The following CD96 variants were observed in gnomAD, a reference collection of about 807,000 sequenced individuals.
CD96 encodes CD96 molecule.
Under a neutral mutation model 71.3 loss-of-function variants are expected in CD96, and 70 were observed. The ratio of observed to expected loss-of-function variants is 0.98; its 90% CI spans 0.81 to 1.20. The LOEUF is 1.20. Ranked by LOEUF, CD96 falls within the 50% of genes most tolerant of loss-of-function variation. The pLI is 0.00. For missense variants in CD96, 742 were observed against 677.5 expected (o/e 1.10, Z -1.06); for synonymous variants, 248 against 233.0 (o/e 1.06, Z -0.59).
chr3:111,647,088 TAAAA>T (rs11337310), intron 12 of CD96, among the ~76,000 whole-genome samples: 24 of 98,940 alleles, frequency 2.4e-4, no homozygotes, highest in African/African-American at 7.7e-4. Context: ...GGGTAAAGAT[TAAAA>T]AAAAAAAAAA....
intron 7 of CD96, among the ~76,000 whole-genome samples, chr3:111,603,929 G>C (rs2107658007): frequency 6.6e-6 from 1 of 152,284 alleles, no homozygotes; most frequent in South Asian, 2.1e-4. Flanking sequence ...TCCTTTCTGA[G>C]AGTATCAGTT....
chr3:111,583,675 G>A (rs762541637), intron 4 of CD96, among the ~76,000 whole-genome samples: 1 of 152,230 alleles, frequency 6.6e-6, no homozygotes, highest in Non-Finnish European at 1.5e-5. Context: ...GCCAAGGCTT[G>A]GGGATTCCAC....
At position 111,545,073 on chromosome 3, in the gene CD96, A is replaced by T. The variant is rs1934317567; in HGVS notation, c.89A>T (p.Glu30Val). 6.2e-7 allele frequency: 1 copy of T among 1,614,048 alleles called. No individual in the cohort carries two copies. Among genetic ancestry groups the T allele is most frequent in the Admixed American group, 1.7e-5 (1 of 60,002 alleles). Residue 30 changes from glutamate (E) to valine (V), a missense_variant, in exon 2 of 14, where the codon GAA becomes GTA. Glu to Val is a moderately radical substitution (Grantham distance 121, BLOSUM62 -2). Transcript: ENST00000352690. ...KGVWEKTVNTEENVYATLGSD... is the reference protein window; with the variant it reads ...KGVWEKTVNTVENVYATLGSD... ...GTTTGGGAAAAAACAGTCAACACAG[A>T]AGAAAATGTTTATGCTACACTTGGC...
chr3:111,571,077 A>G, intron 3 of CD96: 1 of 882,570 alleles, frequency 1.1e-6, no homozygotes, highest in Non-Finnish European at 1.9e-6. Flanking sequence ...GAGGTAGGTC[A>G]AGTGGAGACT....
At chr3:111,544,131 CT>C (rs1455808955) in intron 1 of CD96, among the ~76,000 whole-genome samples, 8 of 152,076 alleles carry the variant, frequency 5.3e-5, no homozygotes, top group African/African-American at 1.9e-4. Context: ...GGAGGTGTGA[CT>C]TTTTTTGTTT....
intron 12 of CD96, among the ~76,000 whole-genome samples, chr3:111,644,867 G>A (rs949760666): frequency 2.6e-5 from 4 of 152,078 alleles, no homozygotes; most frequent in Admixed American, 2.6e-4. Context: ...AATGGTAGAT[G>A]TTGGCATGGA....
chr3:111,569,317 A>G (rs376230446), intron 3 of CD96, among the ~76,000 whole-genome samples: 1 of 152,224 alleles, frequency 6.6e-6, no homozygotes, highest in East Asian at 1.9e-4. Context: ...TGGTTGTAAA[A>G]CCTACAGTAT....
At chr3:111,601,229 A>G (rs1289454113) in intron 7 of CD96, among the ~76,000 whole-genome samples, 1 of 152,192 alleles carries the variant, frequency 6.6e-6, no homozygotes, top group African/African-American at 2.4e-5. Context: ...CACATATTGA[A>G]AATTAATACT....
intron 2 of CD96, among the ~76,000 whole-genome samples, chr3:111,563,395 G>T (rs997464980): frequency 1.3e-5 from 2 of 152,228 alleles, no homozygotes; most frequent in African/African-American, 2.4e-5. Flanking sequence ...AAAGCTGCTG[G>T]TTTTTGCAAC....
At chr3:111,560,239 G>T (rs897871444) in intron 2 of CD96, among the ~76,000 whole-genome samples, 1 of 151,864 alleles carries the variant, frequency 6.6e-6, no homozygotes, top group Non-Finnish European at 1.5e-5. Flanking sequence ...GTGTGAATTT[G>T]ATCCTGTCAT....
chr3:111,570,518 T>C, intron 3 of CD96: 1 of 948,608 alleles, frequency 1.1e-6, no homozygotes, highest in Non-Finnish European at 1.6e-6. Flanking sequence ...AAATCACAAA[T>C]GGGACGCATG....
At chr3:111,589,308 T>C (rs182029534) in intron 5 of CD96, among the ~76,000 whole-genome samples, 128 of 152,330 alleles carry the variant, frequency 8.4e-4, no homozygotes, top group Non-Finnish European at 1.6e-3. Flanking sequence ...TTACAGGTAA[T>C]ATGGGCTCAA....
At position 111,574,778 on chromosome 3, in the gene CD96, G is replaced by A. The variant is rs545471144; in HGVS notation, c.544-4249G>A. Among the ~76,000 whole-genome samples, 1,028 of 146,830 alleles carry A rather than the reference G, an allele frequency of 7.0e-3. 6 individuals are homozygous for A. Among genetic ancestry groups the A allele is most frequent in the Middle Eastern group, 0.021 (6 of 290 alleles). ...ATTTAAAAATTATATTTAAAAATAT[G>A]AATTTTTAGATTTTTTTTTTTTGAG... On this transcript the variant is annotated intron_variant, in intron 3 of 13. Transcript: ENST00000352690.
At chr3:111,625,997 A>C (rs1938730745) in intron 10 of CD96, among the ~76,000 whole-genome samples, 1 of 152,224 alleles carries the variant, frequency 6.6e-6, no homozygotes, top group Admixed American at 6.5e-5. Context: ...CGTGGCTAGA[A>C]ACATCTAAAG....
intron 14 of CD96, among the ~76,000 whole-genome samples, chr3:111,660,326 A>C (rs529122000): frequency 1.2e-4 from 18 of 152,346 alleles, no homozygotes; most frequent in African/African-American, 4.3e-4. Flanking sequence ...AACAATCTCT[A>C]CAAGAAAAAC....
chr3:111,569,600 T>A (rs2175749), intron 3 of CD96, among the ~76,000 whole-genome samples: 152,322 of 152,362 alleles, frequency 1, 76,141 homozygotes, highest in Non-Finnish European at 1. Context: ...CCCAGTTATC[T>A]CAAATTCATT....
chr3:111,664,767 G>A (rs1306468461), intron 14 of CD96, among the ~76,000 whole-genome samples: 3 of 152,162 alleles, frequency 2.0e-5, no homozygotes, highest in Non-Finnish European at 4.4e-5. Context: ...ATTAAAGGAG[G>A]CTAAAGAGAC....
intron 2 of CD96, among the ~76,000 whole-genome samples, chr3:111,556,861 C>G (rs1414350034): frequency 1.3e-5 from 2 of 149,930 alleles, no homozygotes; most frequent in African/African-American, 4.9e-5. Flanking sequence ...TCCTCTCCAG[C>G]ACCTGTTGTT....
intron 5 of CD96, among the ~76,000 whole-genome samples, chr3:111,596,953 T>G (rs538297687): frequency 6.6e-6 from 1 of 152,332 alleles, no homozygotes; most frequent in Admixed American, 6.5e-5. Flanking sequence ...GGGATTTCTG[T>G]AGCAATGTAC....
Sources: allele counts gnomAD v4.1 joint callset (sites outside exome capture counted in the v4.1 genomes callset), GRCh38; gene constraint gnomAD v4.1.1; transcripts MANE v1.5; gene names NCBI Gene and HGNC (gene_info 2026-07-23, HGNC 2026-07-21).